Variants in TCERG1L observed in about 807,000 individuals in gnomAD.
TCERG1L encodes transcription elongation regulator 1 like.
TCERG1L carries 37 observed loss-of-function variants against 56.3 expected under a neutral mutation model. The ratio of observed to expected loss-of-function variants is 0.66; its 90% CI spans 0.51 to 0.87. TCERG1L has a LOEUF of 0.87. Among genes scored for constraint, TCERG1L ranks in the 40% least tolerant of loss-of-function variants. TCERG1L has a pLI of 0.00. For synonymous variants in TCERG1L, 324 were observed against 326.3 expected, an observed-to-expected ratio of 0.99 and a Z score of 0.08; for missense variants, 799 against 774.2, an observed-to-expected ratio of 1.03 and a Z score of -0.38.
chr10:131,311,713 A>T lies in TCERG1L; in HGVS notation c.-78T>A, dbSNP rs1278312411. On this transcript the variant is annotated 5_prime_UTR_variant, in exon 1 of 12. Transcript: ENST00000368642. The surrounding 1 kb of genome is among the most constrained non-coding windows in gnomAD (Gnocchi z 4.0). ...TGGGCCGGCGGCGGCGCGGCTCCGG[A>T]GCGAACTCACTTGGCTCCGCGGCGC... The T allele has an allele frequency of 1.4e-6, 1 of 737,302 alleles. No individual in the cohort carries two copies. The highest frequency in any genetic ancestry group is 1.7e-6 in the Non-Finnish European group (1 of 585,270). 45.7% of individuals were successfully genotyped at this position (737,302 alleles called of 1,614,324 possible).
chr10:131,247,395 C>A (rs1846051511), intron 4 of TCERG1L, among the ~76,000 whole-genome samples: 1 of 152,232 alleles, frequency 6.6e-6, no homozygotes, highest in Non-Finnish European at 1.5e-5. Flanking sequence ...ATATGTAGAT[C>A]AGCATCACCT....
chr10:131,128,347 C>T (rs1845583150), intron 8 of TCERG1L, among the ~76,000 whole-genome samples: 1 of 152,172 alleles, frequency 6.6e-6, no homozygotes, highest in Admixed American at 6.5e-5. Flanking sequence ...GACTCCAAGC[C>T]ACGAAACAGA....
chr10:131,301,760 G>GA (rs1375396015), intron 3 of TCERG1L, among the ~76,000 whole-genome samples: 1 of 151,840 alleles, frequency 6.6e-6, no homozygotes, highest in Non-Finnish European at 1.5e-5. Flanking sequence ...AATAAAATGT[G>GA]AATGTCACCC....
At position 131,297,278 on chromosome 10, in the gene TCERG1L, T is replaced by C. The variant is rs561231587; in HGVS notation, c.670+10933A>G. Among the ~76,000 whole-genome samples, 527 of 152,348 alleles carry C rather than the reference T, an allele frequency of 3.5e-3. 5 individuals carry two copies. Among genetic ancestry groups the C allele is most frequent in the African/African-American group, 0.012 (511 of 41,590 alleles). On this transcript the variant is annotated intron_variant, in intron 3 of 11. Coordinates refer to ENST00000368642, the MANE Select transcript of TCERG1L (RefSeq NM_174937.4). The stretch of plus-strand genomic sequence containing the variant: ...ACGGTTTTTTGTATTGTTTTGTTTT[T>C]AATCTGAATGGATGGTGAATTTGAC...
chr10:131,115,755 A>G (rs1476535180), intron 9 of TCERG1L, among the ~76,000 whole-genome samples: 1 of 152,106 alleles, frequency 6.6e-6, no homozygotes, highest in Non-Finnish European at 1.5e-5. Context: ...CCTCCATAAA[A>G]TTCCTAAGGG....
chr10:131,308,071 C>T lies in TCERG1L; in HGVS notation c.670+140G>A, dbSNP rs1476394673. 11 of 1,013,630 alleles carry T rather than the reference C, an allele frequency of 1.1e-5. No individual in the cohort carries two copies. The South Asian group carries it at 1.7e-4, about 16-fold the overall frequency. 62.8% of individuals were successfully genotyped at this position (1,013,630 alleles called of 1,614,324 possible). Reference sequence around the variant, plus strand: ...CCAAGACTAGTTTTTTTTAAAAAAGCTTCATGCTTGTGAAAAGGAATTATA... The same window carrying T: ...CCAAGACTAGTTTTTTTTAAAAAAGTTTCATGCTTGTGAAAAGGAATTATA... On this transcript the variant is annotated intron_variant, in intron 3 of 11. Transcript: ENST00000368642.
At chr10:131,214,622 C>T (rs949999335) in intron 4 of TCERG1L, among the ~76,000 whole-genome samples, 2 of 152,206 alleles carry the variant, frequency 1.3e-5, no homozygotes, top group African/African-American at 4.8e-5. Context: ...GTGACAGACG[C>T]GGTTCAGAGA....
rs761146344 is a variant in TCERG1L at position 131,110,944 on chromosome 10, G to A, written c.1395+5855C>T. On this transcript the variant is annotated intron_variant, in intron 9 of 11. Transcript: ENST00000368642. ...GATTGGCAGGGAACCTCCGACAGAA[G>A]CAGAACGCTGCCTTCCATCTCTAAA... Among the ~76,000 whole-genome samples, 40 of 142,626 alleles carry A rather than the reference G, an allele frequency of 2.8e-4. 6 individuals are homozygous for A. The highest frequency in any genetic ancestry group is 4.7e-4 in the Non-Finnish European group (30 of 63,404). 93.6% of individuals were successfully genotyped at this position (142,626 alleles called of 152,430 possible).
intron 4 of TCERG1L, among the ~76,000 whole-genome samples, chr10:131,249,466 G>A (rs1023465881): frequency 2.6e-5 from 4 of 152,118 alleles, no homozygotes; most frequent in African/African-American, 4.8e-5. Flanking sequence ...GGCTCCACCC[G>A]GGTCCCCAGC....
At chr10:131,308,502 T>C in intron 2 of TCERG1L, 111 bp from the exon 3 acceptor site, 4 of 870,660 alleles carry the variant, frequency 4.6e-6, no homozygotes, top group Non-Finnish European at 5.3e-6. Context: ...TTGAACATTC[T>C]ATTATTGGGG....
At chr10:131,104,891 G>A (rs573320918) in intron 9 of TCERG1L, among the ~76,000 whole-genome samples, 4 of 152,342 alleles carry the variant, frequency 2.6e-5, no homozygotes, top group South Asian at 2.1e-4. Flanking sequence ...AGTTTCTCAC[G>A]TCGTTAACAT....
At chr10:131,309,856 A>AAAAC (rs1338418815) in intron 1 of TCERG1L, among the ~76,000 whole-genome samples, 3 of 150,104 alleles carry the variant, frequency 2.0e-5, no homozygotes, top group East Asian at 2.0e-4. Flanking sequence ...AAAAAAAAAA[A>AAAAC]AAACTAAGCA....
intron 4 of TCERG1L, among the ~76,000 whole-genome samples, chr10:131,203,618 G>A (rs964923470): frequency 6.6e-6 from 1 of 152,214 alleles, no homozygotes; most frequent in African/African-American, 2.4e-5. Context: ...CACCGCAAAC[G>A]ATTCAGGGAC....
intron 7 of TCERG1L, among the ~76,000 whole-genome samples, chr10:131,145,076 CCAAATTATCTA>C (rs1845781635): frequency 6.6e-6 from 1 of 152,202 alleles, no homozygotes; most frequent in African/African-American, 2.4e-5. Flanking sequence ...TGAAACAGCA[CCAAATTATCTA>C]CAAGAACGCA....
chr10:131,182,010 G>A (rs368570307), intron 4 of TCERG1L, among the ~76,000 whole-genome samples: 3 of 152,096 alleles, frequency 2.0e-5, no homozygotes, highest in Admixed American at 6.5e-5. Context: ...ATAGCACACC[G>A]TGTGTATGTG....
At chr10:131,116,342 G>C (rs748745437) in intron 9 of TCERG1L, among the ~76,000 whole-genome samples, 2 of 152,130 alleles carry the variant, frequency 1.3e-5, no homozygotes, top group Non-Finnish European at 2.9e-5. Context: ...CAGTGAGGTC[G>C]GGCACCGCGA....
Position 131,117,335 on chromosome 10 carries a change from G to A in TCERG1L, c.1260-401C>T, listed in dbSNP as rs186230828. Reference sequence around the variant, plus strand: ...CAGAGATGGGGTCATGGAGGGGTAAGGAGCAGGCTTTTCATCCGAACAATC... The same window carrying A: ...CAGAGATGGGGTCATGGAGGGGTAAAGAGCAGGCTTTTCATCCGAACAATC... On this transcript the variant is annotated intron_variant, in intron 8 of 11. Coordinates refer to ENST00000368642, the MANE Select transcript of TCERG1L (RefSeq NM_174937.4). Among the ~76,000 whole-genome samples the A allele has an allele frequency of 3.4e-3, 523 of 152,360 alleles. 4 individuals are homozygous for A. Among genetic ancestry groups the A allele is most frequent in the African/African-American group, 0.012 (500 of 41,586 alleles).
At position 131,194,606 on chromosome 10, in the gene TCERG1L, C is replaced by T. The variant is rs906822657; in HGVS notation, c.857-27721G>A. Among the ~76,000 whole-genome samples the T allele has an allele frequency of 7.9e-5, 12 of 152,098 alleles. 1 individual carries two copies. Among genetic ancestry groups the T allele is most frequent in the African/African-American group, 1.4e-4 (6 of 41,418 alleles). ...GTTTTCTGTTATATTGAGAAATTTC[C>T]TCACTCCAAAATTATATACTAATTC... On this transcript the variant is annotated intron_variant, in intron 4 of 11. Transcript: ENST00000368642.
chr10:131,251,831 G>C (rs1846114432), intron 4 of TCERG1L, among the ~76,000 whole-genome samples: 1 of 152,122 alleles, frequency 6.6e-6, no homozygotes, highest in African/African-American at 2.4e-5. Flanking sequence ...CAGTTCAGTG[G>C]CATTAAACAC....
Sources: allele counts gnomAD v4.1 joint callset (sites outside exome capture counted in the v4.1 genomes callset), GRCh38; gene constraint gnomAD v4.1.1; non-coding constraint Gnocchi (gnomAD v3.1); transcripts MANE v1.5; gene names NCBI Gene and HGNC (gene_info 2026-07-23, HGNC 2026-07-21).